Variants in PDGFD observed in about 807,000 individuals in gnomAD.
PDGFD encodes platelet derived growth factor D.
In PDGFD, 30 loss-of-function variants were observed where a neutral mutation model predicts 44.7. The ratio of observed to expected loss-of-function variants is 0.67; its 90% CI spans 0.50 to 0.91. The LOEUF is 0.91. Ranked by LOEUF, PDGFD falls within the 40% of genes least tolerant of loss-of-function variation. PDGFD has a pLI of 0.00. For synonymous variants in PDGFD, 173 were observed against 168.4 expected (o/e 1.03, Z -0.21); for missense variants, 445 against 457.8 (o/e 0.97, Z 0.25).
chr11:104,000,837 A>G (rs1198037567), intron 1 of PDGFD, among the ~76,000 whole-genome samples: 1 of 152,204 alleles, frequency 6.6e-6, no homozygotes, highest in Non-Finnish European at 1.5e-5. Flanking sequence ...AATAGGTCCA[A>G]TTCTTACTGT....
At chr11:103,986,978 A>G (rs1859375834) in intron 3 of PDGFD, among the ~76,000 whole-genome samples, 1 of 152,122 alleles carries the variant, frequency 6.6e-6, no homozygotes. Context: ...GTGGTCCGCA[A>G]CCAGGAACTG....
chr11:104,076,157 G>T lies in PDGFD; in HGVS notation c.125-75902C>A, dbSNP rs570556588. 1.2e-3 allele frequency among the ~76,000 whole-genome samples: 180 copies of T among 152,240 alleles called. 1 individual carries two copies. Among genetic ancestry groups the T allele is most frequent in the Middle Eastern group, 0.01 (3 of 294 alleles). ...TCCTTCCTGCTGCCTTGTGAAGAAG[G>T]TTCCTTTTTTCCCCCTCACATTCCA... is the stretch of plus-strand genomic sequence containing the variant. On this transcript the variant is annotated intron_variant, in intron 1 of 6. Transcript: ENST00000393158.
chr11:104,120,946 G>A (rs1410232135), intron 1 of PDGFD, among the ~76,000 whole-genome samples: 1 of 151,946 alleles, frequency 6.6e-6, no homozygotes, highest in Non-Finnish European at 1.5e-5. Context: ...GTAAAACAGA[G>A]TCTTTTACGT....
At chr11:103,911,703 A>G (rs921641489) in intron 6 of PDGFD, among the ~76,000 whole-genome samples, 1 of 152,060 alleles carries the variant, frequency 6.6e-6, no homozygotes, top group Non-Finnish European at 1.5e-5. Flanking sequence ...GCATGTTCTA[A>G]CCCAATGCAA....
At chr11:104,076,110 T>C (rs947497387) in intron 1 of PDGFD, among the ~76,000 whole-genome samples, 1 of 152,194 alleles carries the variant, frequency 6.6e-6, no homozygotes, top group African/African-American at 2.4e-5. Context: ...TAAGGGGCTC[T>C]TTCCCTATTG....
chr11:104,081,401 T>C (rs1010678457), intron 1 of PDGFD, among the ~76,000 whole-genome samples: 1 of 152,174 alleles, frequency 6.6e-6, no homozygotes, highest in Admixed American at 6.5e-5. Context: ...GCTTATTTTA[T>C]GTTACAAACT....
intron 3 of PDGFD, among the ~76,000 whole-genome samples, chr11:103,964,948 T>C (rs1858992468): frequency 6.6e-6 from 1 of 151,510 alleles, no homozygotes; most frequent in Non-Finnish European, 1.5e-5. Context: ...ATGGAAGTAG[T>C]CCACAAGGTA....
intron 6 of PDGFD, among the ~76,000 whole-genome samples, chr11:103,911,093 T>C (rs1858022401): frequency 6.6e-6 from 1 of 152,132 alleles, no homozygotes; most frequent in Non-Finnish European, 1.5e-5. Flanking sequence ...GTCAGGGACT[T>C]ATAGATAAAA....
chr11:104,048,042 C>A (rs982537863), intron 1 of PDGFD, among the ~76,000 whole-genome samples: 6 of 152,120 alleles, frequency 3.9e-5, no homozygotes, highest in Non-Finnish European at 7.4e-5. Flanking sequence ...TTTGAGAGAA[C>A]TATAGAGATT....
At chr11:104,053,242 C>T (rs1269918650) in intron 1 of PDGFD, among the ~76,000 whole-genome samples, 1 of 152,106 alleles carries the variant, frequency 6.6e-6, no homozygotes, top group Non-Finnish European at 1.5e-5. Context: ...TACTAAGAAG[C>T]TGAGAGTCCT....
intron 4 of PDGFD, among the ~76,000 whole-genome samples, 191 bp downstream of exon 4, chr11:103,947,471 T>C (rs1858682697): frequency 1.3e-5 from 2 of 152,184 alleles, no homozygotes; most frequent in Admixed American, 1.3e-4. Flanking sequence ...CCTGGAAACA[T>C]TTCTGACAGA....
At chr11:104,113,112 A>T (rs1861584681) in intron 1 of PDGFD, among the ~76,000 whole-genome samples, 2 of 152,194 alleles carry the variant, frequency 1.3e-5, no homozygotes, top group Admixed American at 1.3e-4. Flanking sequence ...TATTTTTTAG[A>T]AGAGGCCATT....
intron 3 of PDGFD, among the ~76,000 whole-genome samples, chr11:103,971,248 A>C (rs1859097913): frequency 6.6e-6 from 1 of 152,138 alleles, no homozygotes; most frequent in South Asian, 2.1e-4. Flanking sequence ...GCTATAGGTA[A>C]TGGCTCTAAG....
At chr11:104,099,633 AAAC>A (rs1861339631) in intron 1 of PDGFD, among the ~76,000 whole-genome samples, 1 of 88,976 alleles carries the variant, frequency 1.1e-5, no homozygotes, top group Admixed American at 1.2e-4. Flanking sequence ...ACTGTTTCAA[AAAC>A]AATAATAATA....
chr11:104,003,347 T>C (rs1268334728), intron 1 of PDGFD, among the ~76,000 whole-genome samples: 1 of 152,220 alleles, frequency 6.6e-6, no homozygotes, highest in Non-Finnish European at 1.5e-5. Flanking sequence ...CCACTTGATA[T>C]GGGTACAAAC....
chr11:104,001,343 C>A (rs915649146), intron 1 of PDGFD, among the ~76,000 whole-genome samples: 2 of 152,202 alleles, frequency 1.3e-5, no homozygotes, highest in Non-Finnish European at 2.9e-5. Context: ...AGACCTTACC[C>A]TATGTGCTTC....
intron 2 of PDGFD, among the ~76,000 whole-genome samples, chr11:103,996,935 G>C (rs1308355154): frequency 6.6e-6 from 1 of 152,182 alleles, no homozygotes; most frequent in Non-Finnish European, 1.5e-5. Context: ...TCTGGCATTG[G>C]TCGGAGAAAC....
rs74422822 is a variant in PDGFD at position 104,089,066 on chromosome 11, G to A, written c.124+74738C>T. 4.9e-3 allele frequency among the ~76,000 whole-genome samples: 739 copies of A among 152,250 alleles called. 2 individuals carry two copies. The highest frequency in any genetic ancestry group is 0.027 in the Middle Eastern group (8 of 294). On this transcript the variant is annotated intron_variant, in intron 1 of 6. Coordinates refer to ENST00000393158, the MANE Select transcript of PDGFD (RefSeq NM_025208.5). Reference sequence around the variant, plus strand: ...TTAGAAAGTGATAAACATATGAATCGTAAGTGGTAAACTGGTAAATTATGA... The same window carrying A: ...TTAGAAAGTGATAAACATATGAATCATAAGTGGTAAACTGGTAAATTATGA...
chr11:103,964,020 G>T (rs891803831), intron 3 of PDGFD, among the ~76,000 whole-genome samples: 5 of 152,064 alleles, frequency 3.3e-5, no homozygotes, highest in African/African-American at 1.2e-4. Flanking sequence ...CCATCTCTAT[G>T]ACATTTAGCC....
Sources: allele counts gnomAD v4.1 joint callset (sites outside exome capture counted in the v4.1 genomes callset), GRCh38; gene constraint gnomAD v4.1.1; transcripts MANE v1.5; gene names NCBI Gene and HGNC (gene_info 2026-07-23, HGNC 2026-07-21).